C21orf91: variants seen among roughly 807,000 people sequenced by gnomAD.
The protein encoded by C21orf91 is chromosome 21 open reading frame 91.
C21orf91 carries 26 observed loss-of-function variants against 32.9 expected under a neutral mutation model. The observed-to-expected ratio is 0.79, with a 90% CI of 0.58 to 1.10. C21orf91 has a LOEUF of 1.10. C21orf91 is among the 50% of genes least tolerant of loss of function. The pLI, the probability that C21orf91 is intolerant of heterozygous loss-of-function variation, is 0.00. For missense variants in C21orf91, 310 were observed against 341.3 expected (o/e 0.91, Z 0.72); for synonymous variants, 126 against 120.4 (o/e 1.05, Z -0.31).
At chr21:17,803,800 T>C (rs577116157) in intron 2 of C21orf91, among the ~76,000 whole-genome samples, 1 of 152,270 alleles carries the variant, frequency 6.6e-6, no homozygotes, top group African/African-American at 2.4e-5. Context: ...CAACCATTCC[T>C]GATAAAAGGA....
intron 2 of C21orf91, among the ~76,000 whole-genome samples, chr21:17,805,626 T>C (rs117382322): frequency 6.6e-6 from 1 of 152,302 alleles, no homozygotes; most frequent in Non-Finnish European, 1.5e-5. Context: ...CGTACTGATA[T>C]ATTAATATGG....
intron 2 of C21orf91, among the ~76,000 whole-genome samples, chr21:17,813,709 C>G (rs567639930): frequency 1.3e-5 from 2 of 152,348 alleles, no homozygotes; most frequent in African/African-American, 4.8e-5. Context: ...GTTGAGCATT[C>G]CAAATAACAA....
Position 17,793,220 on chromosome 21 carries a change from GA to G in C21orf91, c.*194del. On this transcript the variant is annotated 3_prime_UTR_variant, in exon 5 of 5. Transcript: ENST00000284881. ...TTCTGGGAAAAAAGAGTCCCCAAAT[GA>G]GCCAAAATGATTAGCCCTAGAAGAC... 5.2e-6 allele frequency: 2 copies of G among 382,646 alleles called. No individual in the cohort carries two copies. The highest frequency in any genetic ancestry group is 9.4e-6 in the Non-Finnish European group (2 of 212,530). The allele number at this position is 382,646 out of a possible 1,614,324, so 23.7% of individuals were successfully genotyped here.
At chr21:17,806,998 A>T (rs2062600227) in intron 2 of C21orf91, among the ~76,000 whole-genome samples, 1 of 152,246 alleles carries the variant, frequency 6.6e-6, no homozygotes, top group East Asian at 1.9e-4. Flanking sequence ...ACTGATATTT[A>T]TCCAATACAC....
chr21:17,808,309 AG>A (rs1460927417), intron 2 of C21orf91, among the ~76,000 whole-genome samples: 1 of 152,198 alleles, frequency 6.6e-6, no homozygotes, highest in Non-Finnish European at 1.5e-5. Context: ...AGGTGTGCAG[AG>A]GGCAAGAGTT....
At position 17,791,803 on chromosome 21, in the gene C21orf91, C is replaced by T. The variant is rs1265484580; in HGVS notation, c.*1612G>A. 6.6e-6 allele frequency: 1 copy of T among 152,060 alleles called. No individual in the cohort carries two copies. The highest frequency in any genetic ancestry group is 6.5e-5 in the Admixed American group (1 of 15,278). 9.4% of individuals were successfully genotyped at this position (152,060 alleles called of 1,614,324 possible). A position where few individuals can be genotyped will look rare whatever the true frequency, so the allele number is the denominator to read the frequency against. On this transcript the variant is annotated 3_prime_UTR_variant, in exon 5 of 5. Coordinates refer to ENST00000284881, the MANE Select transcript of C21orf91 (RefSeq NM_001100420.2). Reference sequence around the variant, plus strand: ...CATGACTTAAAGAATTGAGAGAAATCGAAAGCATCTTTCAAAAATTCCCTC... The same window carrying T: ...CATGACTTAAAGAATTGAGAGAAATTGAAAGCATCTTTCAAAAATTCCCTC...
At chr21:17,800,170 T>G (rs1207945382) in intron 2 of C21orf91, among the ~76,000 whole-genome samples, 1 of 152,224 alleles carries the variant, frequency 6.6e-6, no homozygotes, top group Non-Finnish European at 1.5e-5. Flanking sequence ...GGTTTTATGT[T>G]AACTGTAGCT....
intron 2 of C21orf91, among the ~76,000 whole-genome samples, chr21:17,801,390 C>T (rs950225566): frequency 6.6e-6 from 1 of 151,928 alleles, no homozygotes. Context: ...CCTGCCTCAG[C>T]CTCCCGAGTA....
At position 17,790,513 on chromosome 21, in the gene C21orf91, T is replaced by C. The variant is rs572477976; in HGVS notation, c.*2902A>G. 6.6e-6 allele frequency: 1 copy of C among 152,182 alleles called. No homozygotes were observed. The highest frequency in any genetic ancestry group is 6.5e-5 in the Admixed American group (1 of 15,282). 9.4% of individuals were successfully genotyped at this position (152,182 alleles called of 1,614,324 possible). A position where few individuals can be genotyped will look rare whatever the true frequency, so the allele number is the denominator to read the frequency against. On this transcript the variant is annotated 3_prime_UTR_variant, in exon 5 of 5. Transcript: ENST00000284881. The stretch of plus-strand genomic sequence containing the variant: ...GAAATCACTAACATGAACTTGACAT[T>C]GAAAAAATAATCCTTAAATGTATAT...
chr21:17,814,099 C>G (rs990579193), intron 2 of C21orf91, among the ~76,000 whole-genome samples: 5 of 152,210 alleles, frequency 3.3e-5, no homozygotes, highest in African/African-American at 1.2e-4. Flanking sequence ...ACTATTTTGG[C>G]ACAAGATGAA....
chr21:17,810,559 G>A (rs2062625906), intron 2 of C21orf91: 1 of 152,164 alleles, frequency 6.6e-6, no homozygotes, highest in Admixed American at 6.5e-5. Context: ...TTTCAGGATT[G>A]GTGCCGACAT....
intron 2 of C21orf91, among the ~76,000 whole-genome samples, chr21:17,803,129 TAA>T (rs2062573357): frequency 6.6e-6 from 1 of 152,190 alleles, no homozygotes; most frequent in East Asian, 1.9e-4. Context: ...GCAAAAAAAT[TAA>T]GTGTCCAGTT....
chr21:17,800,473 C>T (rs1183797362), intron 2 of C21orf91, among the ~76,000 whole-genome samples: 1 of 152,070 alleles, frequency 6.6e-6, no homozygotes, highest in Non-Finnish European at 1.5e-5. Context: ...TTGTTTCTAC[C>T]TCATCAGTTC....
In C21orf91 at chr21:17,792,422, G is replaced by T. The variant is rs1380595874; in HGVS notation, c.*993C>A. 1.3e-5 allele frequency: 2 copies of T among 151,792 alleles called. No individual in the cohort carries two copies. Among genetic ancestry groups the T allele is most frequent in the African/African-American group, 2.4e-5 (1 of 41,298 alleles). The allele number at this position is 151,792 out of a possible 1,614,324, so 9.4% of individuals were successfully genotyped here. Reference sequence around the variant, plus strand: ...TCAATGATGGTGATAATACAATTTGGACAGTTTAAGTATTCTTGAAACTTT... The same window carrying T: ...TCAATGATGGTGATAATACAATTTGTACAGTTTAAGTATTCTTGAAACTTT... On this transcript the variant is annotated 3_prime_UTR_variant, in exon 5 of 5. Coordinates refer to ENST00000284881, the MANE Select transcript of C21orf91 (RefSeq NM_001100420.2).
rs746069099 is a variant in C21orf91, at chr21:17,796,982, G to A, written c.264C>T (p.Thr88=). ...LSKSTYEEVK[T]ILSKKINWIV... Reference sequence around the variant, plus strand: ...TCCAGTTTATCTTCTTACTCAAAATGGTTTTAACTTCTTCATAAGTACTTT... The same window carrying A: ...TCCAGTTTATCTTCTTACTCAAAATAGTTTTAACTTCTTCATAAGTACTTT... Residue 88 remains threonine (T), a synonymous_variant, in exon 3 of 5, where the codon ACC becomes ACT. Transcript: ENST00000284881. 2.5e-6 allele frequency: 4 copies of A among 1,613,512 alleles called. No homozygotes were observed. The highest frequency in any genetic ancestry group is 2.2e-5 in the South Asian group (2 of 91,074).
At chr21:17,816,587 G>A (rs1322210847) in intron 2 of C21orf91, among the ~76,000 whole-genome samples, 3 of 152,222 alleles carry the variant, frequency 2.0e-5, no homozygotes, top group East Asian at 1.9e-4. Context: ...AGGACCAACA[G>A]TTATGAGCTG....
Position 17,796,769 on chromosome 21 carries a change from T to C in C21orf91, c.477A>G (p.Gln159=). The part of the protein sequence containing the change: ...GSAGGISNCT[Q]RILEQRENTD... ...TATTTTCCCTCTGCTCCAAAATTCT[T>C]TGTGTACAGTTAGAGATGCCACCTG... Residue 159 remains glutamine (Q), a synonymous_variant, in exon 3 of 5, where the codon CAA becomes CAG. Transcript: ENST00000284881. 1 of 1,614,158 alleles carries C rather than the reference T, an allele frequency of 6.2e-7. No homozygotes were observed. Among genetic ancestry groups the C allele is most frequent in the Non-Finnish European group, 8.5e-7 (1 of 1,179,976 alleles).
rs200261616 is a variant in C21orf91, at chr21:17,795,256, G to C, written c.679C>G (p.Leu227Val). 5 of 1,608,900 alleles carry C rather than the reference G, an allele frequency of 3.1e-6. No individual in the cohort carries two copies. The Admixed American group carries it at 8.3e-5, about 27-fold the overall frequency. The part of the protein sequence containing the change: ...YSREELNSMT[L>V]GEVEQLNAKL... ...GCATTCAGTTGCTCTACCTCACCAA[G>C]AGTCATCGAATTCACTGAAACATGA... The change falls in exon 4 of 5, where the codon CTT (leucine) becomes GTT (valine). Residue 227 changes from leucine to valine, a missense_variant. Physicochemically the swap from Leu to Val is conservative, Grantham distance 32 (BLOSUM62 1). Transcript: ENST00000284881.
intron 2 of C21orf91, among the ~76,000 whole-genome samples, chr21:17,811,832 C>G (rs1275621126): frequency 6.6e-6 from 1 of 151,992 alleles, no homozygotes; most frequent in Non-Finnish European, 1.5e-5. Flanking sequence ...ACAGGATATT[C>G]TGGGTTATAT....
Sources: gnomAD v4.1 joint callset for allele counts (sites outside exome capture counted in the v4.1 genomes callset) on GRCh38, gnomAD v4.1.1 for gene constraint, MANE v1.5 for transcripts, NCBI Gene and HGNC (gene_info 2026-07-23, HGNC 2026-07-21) for gene names.